Variants in GSK3B observed in about 807,000 individuals in gnomAD.
GSK3B encodes glycogen synthase kinase-3 beta.
A neutral mutation model predicts 56.4 loss-of-function variants in GSK3B; 15 were observed. The ratio of observed to expected loss-of-function variants is 0.27; its 90% CI spans 0.18 to 0.41. The LOEUF is 0.41. Among genes scored for constraint, GSK3B ranks in the 10% least tolerant of loss-of-function variants. The pLI, the probability that GSK3B is intolerant of heterozygous loss-of-function variation, is 1.00. For synonymous variants in GSK3B, 181 were observed against 188.9 expected, an observed-to-expected ratio of 0.96 and a Z score of 0.34; for missense variants, 300 against 513.4, an observed-to-expected ratio of 0.58 and a Z score of 4.02.
chr3:120,002,555 T>G (rs752543702), intron 1 of GSK3B, among the ~76,000 whole-genome samples: 134 of 152,136 alleles, frequency 8.8e-4, no homozygotes, highest in Non-Finnish European at 1.5e-3. Context: ...GCCAGGCTGG[T>G]CTTGAACTCC....
intron 3 of GSK3B, among the ~76,000 whole-genome samples, chr3:119,945,596 G>A (rs1158682882): frequency 1.3e-5 from 2 of 152,142 alleles, no homozygotes; most frequent in Non-Finnish European, 2.9e-5. Flanking sequence ...AGACAAGTAA[G>A]CCATCAGATG....
intron 1 of GSK3B, among the ~76,000 whole-genome samples, chr3:120,046,082 G>A (rs540397110): frequency 4.2e-5 from 6 of 144,322 alleles, no homozygotes; most frequent in South Asian, 4.2e-4. Context: ...GGGAGGAGGT[G>A]GATGGGAGGA....
chr3:120,028,688 C>T (rs565793196), intron 1 of GSK3B: 1 of 423,908 alleles, frequency 2.4e-6, no homozygotes, highest in African/African-American at 2.0e-5. Flanking sequence ...AGTTCCTCCA[C>T]ACGTCTCAAA....
intron 9 of GSK3B, among the ~76,000 whole-genome samples, chr3:119,855,134 G>T (rs1335309668): frequency 3.3e-5 from 5 of 152,008 alleles, no homozygotes; most frequent in Non-Finnish European, 7.4e-5. Flanking sequence ...TGTTCTCATT[G>T]GTTTCAAAGA....
chr3:120,050,394 A>G lies in GSK3B; in HGVS notation c.88+42953T>C, dbSNP rs1328630790. ...AATAAAACTTGATTTACAAAGACAG[A>G]CGGCTAGCCGTATTTGGCTTTATGG... On this transcript the variant is annotated intron_variant, in intron 1 of 10. Transcript: ENST00000264235. Among the ~76,000 whole-genome samples, 12 of 152,356 alleles carry G rather than the reference A, an allele frequency of 7.9e-5. No individual in the cohort carries two copies. The East Asian group carries it at 2.3e-3, about 29-fold the overall frequency.
chr3:120,049,807 T>C (rs1368384899), intron 1 of GSK3B, among the ~76,000 whole-genome samples: 1 of 152,088 alleles, frequency 6.6e-6, no homozygotes, highest in Non-Finnish European at 1.5e-5. Flanking sequence ...ACAGTAAACA[T>C]TTCGGGCTTT....
chr3:120,064,236 T>C (rs1045775426), intron 1 of GSK3B, among the ~76,000 whole-genome samples: 34 of 151,780 alleles, frequency 2.2e-4, no homozygotes, highest in African/African-American at 8.0e-4. Flanking sequence ...AAACCCTTAA[T>C]CTTGAAACAA....
intron 2 of GSK3B, among the ~76,000 whole-genome samples, chr3:119,965,080 T>G (rs1440605674): frequency 6.7e-6 from 1 of 148,322 alleles, no homozygotes; most frequent in Non-Finnish European, 1.5e-5. Context: ...AGACAGAAAG[T>G]CTTGCTCTGT....
chr3:120,077,321 T>C (rs1299832393), intron 1 of GSK3B, among the ~76,000 whole-genome samples: 1 of 151,238 alleles, frequency 6.6e-6, no homozygotes, highest in African/African-American at 2.5e-5. Flanking sequence ...TATATATATA[T>C]GTGTGTGTGT....
intron 1 of GSK3B, 110 bp from the exon 2 acceptor site, chr3:120,002,349 T>C (rs72546691): frequency 7.6e-6 from 4 of 524,068 alleles, no homozygotes; most frequent in Non-Finnish European, 1.2e-5. Flanking sequence ...ATTTTATTTT[T>C]TTTTTTGAGA....
intron 9 of GSK3B, among the ~76,000 whole-genome samples, 157 bp downstream of exon 9, chr3:119,863,262 T>C (rs139509238): frequency 2.3e-4 from 35 of 152,324 alleles, no homozygotes; most frequent in African/African-American, 7.5e-4. Context: ...ACCATGTAAG[T>C]AGTGGCCAGT....
intron 2 of GSK3B, among the ~76,000 whole-genome samples, chr3:119,979,843 A>C (rs962102850): frequency 2.0e-5 from 3 of 152,200 alleles, no homozygotes; most frequent in African/African-American, 7.2e-5. Flanking sequence ...GAAACCGTGG[A>C]ATTAGAGGTA....
At position 119,915,037 on chromosome 3, in the gene GSK3B, G is replaced by A. The variant is rs560193802; in HGVS notation, c.608+1007C>T. Among the ~76,000 whole-genome samples, 8 of 152,112 alleles carry A rather than the reference G, an allele frequency of 5.3e-5. No homozygotes were observed. In the South Asian group the frequency reaches 6.2e-4, roughly 12 times the overall value. ...GTGATTACACCAGTGAGGAAGTAGC[G>A]GGGTAACTGCCTGAGTTACATGGGA... On this transcript the variant is annotated intron_variant, in intron 5 of 10. Coordinates refer to ENST00000264235, the MANE Select transcript of GSK3B (RefSeq NM_001146156.2).
chr3:120,060,229 A>C (rs2058225263), intron 1 of GSK3B, among the ~76,000 whole-genome samples: 1 of 152,212 alleles, frequency 6.6e-6, no homozygotes. Flanking sequence ...ATAGCACAGA[A>C]GGGAAATGGA....
chr3:119,921,524 A>G (rs1305259540), intron 4 of GSK3B, among the ~76,000 whole-genome samples: 1 of 152,220 alleles, frequency 6.6e-6, no homozygotes, highest in Admixed American at 6.5e-5. Context: ...ACCAATTTGC[A>G]GGAAATATAG....
intron 2 of GSK3B, among the ~76,000 whole-genome samples, chr3:119,990,068 C>A (rs2057549992): frequency 6.6e-6 from 1 of 152,144 alleles, no homozygotes; most frequent in South Asian, 2.1e-4. Context: ...AGGGCATCAG[C>A]CTAATGGCTA....
intron 2 of GSK3B, among the ~76,000 whole-genome samples, chr3:119,971,600 A>ATTT (rs1226171278): frequency 5.2e-5 from 5 of 96,606 alleles, no homozygotes; most frequent in African/African-American, 1.1e-4. Context: ...TATTTGCAAT[A>ATTT]ATTTTTTTTT....
At chr3:119,921,797 C>G (rs1279557616) in intron 4 of GSK3B, among the ~76,000 whole-genome samples, 1 of 152,032 alleles carries the variant, frequency 6.6e-6, no homozygotes, top group Non-Finnish European at 1.5e-5. Flanking sequence ...AATGAAATAC[C>G]ATTTATTTTC....
At chr3:120,078,796 C>A (rs1445523247) in intron 1 of GSK3B, among the ~76,000 whole-genome samples, 2 of 149,940 alleles carry the variant, frequency 1.3e-5, no homozygotes, top group African/African-American at 4.9e-5. Flanking sequence ...CAGGGATCTG[C>A]CAGCCTCAGC....
Sources: allele counts gnomAD v4.1 joint callset (sites outside exome capture counted in the v4.1 genomes callset), GRCh38; gene constraint gnomAD v4.1.1; transcripts MANE v1.5; gene names NCBI Gene and HGNC (gene_info 2026-07-23, HGNC 2026-07-21).